CSPP1: variants seen among roughly 807,000 people sequenced by gnomAD.
CSPP1 encodes the protein centrosome and spindle pole associated protein 1.
A neutral mutation model predicts 164.4 loss-of-function variants in CSPP1; 126 were observed. That is an observed-to-expected ratio of 0.77 (90% CI 0.66 to 0.89). CSPP1 has a LOEUF of 0.89. Among genes scored for constraint, CSPP1 ranks in the 40% least tolerant of loss-of-function variants. CSPP1 has a pLI of 0.00. For missense variants in CSPP1, 1,395 were observed against 1,449.8 expected, an observed-to-expected ratio of 0.96 and a Z score of 0.61; for synonymous variants, 472 against 476.7, an observed-to-expected ratio of 0.99 and a Z score of 0.13.
At chr8:67,194,619 TC>T (rs1333024389) in intron 30 of CSPP1, among the ~76,000 whole-genome samples, 2 of 152,038 alleles carry the variant, frequency 1.3e-5, no homozygotes, top group African/African-American at 4.8e-5. Flanking sequence ...CATTGTCCTT[TC>T]AAACAGGAGC....
intron 12 of CSPP1, among the ~76,000 whole-genome samples, chr8:67,115,582 A>G (rs1405866231): frequency 1.3e-5 from 2 of 152,046 alleles, no homozygotes; most frequent in Non-Finnish European, 2.9e-5. Context: ...GAGGCAGGAG[A>G]ATTGCTTGAA....
rs764952763 is a variant in CSPP1 at position 67,195,592 on chromosome 8, A to AAAAT, written c.*3_*6dup. 8 of 1,613,686 alleles carry AAAAT rather than the reference A, an allele frequency of 5.0e-6. No homozygotes were observed. The highest frequency in any genetic ancestry group is 6.8e-6 in the Non-Finnish European group (8 of 1,179,658). ...CAGGGCCTGTCGACTGCACATGGTT[A>AAAAT]AAATAAACCTGTACTGGACCCAGTA... On this transcript the variant is annotated frameshift_variant and stop_retained_variant, in exon 31 of 31. Transcript: ENST00000678616. LOFTEE classifies it high-confidence loss of function.
chr8:67,139,370 T>C (rs1289602197), intron 17 of CSPP1, among the ~76,000 whole-genome samples: 5 of 151,978 alleles, frequency 3.3e-5, no homozygotes, highest in Middle Eastern at 3.4e-3. Context: ...TGTGGAGAAA[T>C]AGGAACACTT....
chr8:67,175,223 T>C lies in CSPP1; in HGVS notation c.2969-73T>C, dbSNP rs1049563230. The C allele has an allele frequency of 3.3e-5, 36 of 1,098,178 alleles. No homozygotes were observed. The African/African-American group carries it at 4.2e-4, about 13-fold the overall frequency. The allele number at this position is 1,098,178 out of a possible 1,614,324, so 68.0% of individuals were successfully genotyped here. A position where few individuals can be genotyped will look rare whatever the true frequency, so the allele number is the denominator to read the frequency against. ...TTGAAATTAGGTTACTCATGTTACT[T>C]ACAGTGAAGTTTTACAAAATCCCAT... On this transcript the variant is annotated intron_variant, in intron 25 of 30. Transcript: ENST00000678616.
chr8:67,108,536 G>C (rs1195612180), intron 9 of CSPP1, among the ~76,000 whole-genome samples: 2 of 152,156 alleles, frequency 1.3e-5, no homozygotes, highest in African/African-American at 2.4e-5. Flanking sequence ...CTTCGTGTGA[G>C]GCCTGGAGTG....
chr8:67,102,390 G>C (rs1481024615), intron 7 of CSPP1, among the ~76,000 whole-genome samples: 3 of 152,120 alleles, frequency 2.0e-5, no homozygotes, highest in African/African-American at 7.2e-5. Context: ...AGGAGATCGA[G>C]ACTATCCTGG....
In CSPP1 at chr8:67,160,364, C is replaced by G. The variant is rs1828094866; in HGVS notation, c.2538+1227C>G. On this transcript the variant is annotated intron_variant, in intron 21 of 30. Coordinates refer to ENST00000678616, the MANE Select transcript of CSPP1 (RefSeq NM_001382391.1). ...CCTGTAGTCCCAGCTACTCAGGAGG[C>G]TGAGGCAAGAGAATCGCCTGAACTT... Among the ~76,000 whole-genome samples the G allele has an allele frequency of 2.0e-5, 3 of 151,122 alleles. No individual in the cohort carries two copies. In the South Asian group the frequency reaches 6.3e-4, roughly 32 times the overall value.
intron 16 of CSPP1, among the ~76,000 whole-genome samples, chr8:67,132,939 T>G (rs1821525739): frequency 6.6e-6 from 1 of 152,246 alleles, no homozygotes; most frequent in African/African-American, 2.4e-5. Flanking sequence ...ACACTTGGAT[T>G]TCTTTTAAAA....
At chr8:67,089,823 TA>T (rs772583195) in intron 4 of CSPP1, among the ~76,000 whole-genome samples, 10 of 151,304 alleles carry the variant, frequency 6.6e-5, no homozygotes, top group East Asian at 5.8e-4. Context: ...GACAGGGTAA[TA>T]AAAAAAAGTT....
intron 18 of CSPP1, among the ~76,000 whole-genome samples, chr8:67,150,425 A>G (rs1825494106): frequency 6.6e-6 from 1 of 150,846 alleles, no homozygotes; most frequent in Non-Finnish European, 1.5e-5. Flanking sequence ...TTTTTGTGAG[A>G]TGGAGTCTCA....
At chr8:67,118,662 CT>C in intron 14 of CSPP1, 80 bp from the exon 15 acceptor site, 3 of 1,009,814 alleles carry the variant, frequency 3.0e-6, no homozygotes, top group Non-Finnish European at 4.4e-6. Flanking sequence ...GATTATGCAC[CT>C]TTTTCTGGAG....
At chr8:67,079,187 G>A (rs1235516466) in intron 3 of CSPP1, among the ~76,000 whole-genome samples, 1 of 152,126 alleles carries the variant, frequency 6.6e-6, no homozygotes, top group East Asian at 1.9e-4. Flanking sequence ...TACTGTTAGT[G>A]TGTTCATGAC....
chr8:67,127,412 C>T (rs371694545), intron 15 of CSPP1, among the ~76,000 whole-genome samples: 2 of 152,232 alleles, frequency 1.3e-5, no homozygotes, highest in African/African-American at 4.8e-5. Flanking sequence ...TCCCCCACTC[C>T]ATTTCACGCC....
intron 28 of CSPP1, among the ~76,000 whole-genome samples, chr8:67,188,963 G>C (rs897942227): frequency 1.3e-5 from 2 of 152,206 alleles, no homozygotes; most frequent in Non-Finnish European, 2.9e-5. Flanking sequence ...CCAGGTCAGA[G>C]AACAAGAGGC....
chr8:67,103,569 C>T (rs958201545), intron 8 of CSPP1, among the ~76,000 whole-genome samples: 5 of 150,750 alleles, frequency 3.3e-5, no homozygotes, highest in East Asian at 3.9e-4. Flanking sequence ...CCGATGCAGG[C>T]GGATCACTTG....
chr8:67,168,103 T>C (rs1016772092), intron 24 of CSPP1, among the ~76,000 whole-genome samples: 5 of 151,746 alleles, frequency 3.3e-5, no homozygotes, highest in African/African-American at 4.8e-5. Flanking sequence ...GAGACCAGCC[T>C]GGCCAACACA....
chr8:67,196,401 G>A lies in CSPP1; in HGVS notation c.*808G>A, dbSNP rs1837945991. On this transcript the variant is annotated 3_prime_UTR_variant, in exon 31 of 31. Coordinates refer to ENST00000678616, the MANE Select transcript of CSPP1 (RefSeq NM_001382391.1). ...ACCTTGGATAAGTGAGTCCATGTGA[G>A]TTTTCTAATCACTCAGTAAGTGATA... The A allele has an allele frequency of 6.6e-6, 1 of 152,172 alleles. No individual in the cohort carries two copies. The highest frequency in any genetic ancestry group is 6.5e-5 in the Admixed American group (1 of 15,278). The allele number at this position is 152,172 out of a possible 1,614,324, so 9.4% of individuals were successfully genotyped here.
intron 4 of CSPP1, 67 bp from the exon 5 acceptor site, chr8:67,091,734 GAC>G (rs1489003432): frequency 2.2e-6 from 1 of 460,976 alleles, no homozygotes; most frequent in Non-Finnish European, 3.8e-6. Flanking sequence ...AGAATGCAAA[GAC>G]ACATTTATGC....
At position 67,114,356 on chromosome 8, in the gene CSPP1, TTAAG is replaced by T. The variant is rs1166357602; in HGVS notation, c.1278_1281del (p.Ser426ArgfsTer7). On this transcript the variant is annotated frameshift_variant, in exon 12 of 31. Transcript: ENST00000678616. LOFTEE classifies it high-confidence loss of function. ...GAATGAATTACTCACATCATTGCAG[TTAAG>T]TAAGGAGGAGGTAATTTATTGTTTT... 2.0e-5 allele frequency: 3 copies of T among 152,648 alleles called. No individual in the cohort carries two copies. The highest frequency in any genetic ancestry group is 7.2e-5 in the African/African-American group (3 of 41,454). The allele number at this position is 152,648 out of a possible 1,614,324, so 9.5% of individuals were successfully genotyped here.
Sources: gnomAD v4.1 joint callset for allele counts (sites outside exome capture counted in the v4.1 genomes callset) on GRCh38, gnomAD v4.1.1 for gene constraint, MANE v1.5 for transcripts, NCBI Gene and HGNC (gene_info 2026-07-23, HGNC 2026-07-21) for gene names.